Variants in NKAIN2 observed in about 807,000 individuals in gnomAD.
NKAIN2 encodes sodium/potassium-transporting ATPase subunit beta-1-interacting protein 2.
NKAIN2 carries 14 observed loss-of-function variants against 32.6 expected under a neutral mutation model. The ratio of observed to expected loss-of-function variants is 0.43; its 90% CI spans 0.28 to 0.67. The LOEUF (loss-of-function observed/expected upper bound fraction) is 0.67. Among genes scored for constraint, NKAIN2 ranks in the 30% least tolerant of loss-of-function variants. NKAIN2 has a pLI of 0.17. For missense variants in NKAIN2, 198 were observed against 258.3 expected, an observed-to-expected ratio of 0.77 and a Z score of 1.60; for synonymous variants, 80 against 87.2, an observed-to-expected ratio of 0.92 and a Z score of 0.46.
At chr6:124,633,012 T>G (rs79590565) in intron 3 of NKAIN2, among the ~76,000 whole-genome samples, 3,119 of 152,086 alleles carry the variant, frequency 0.021, 94 homozygotes, top group African/African-American at 0.071. Context: ...AGCATTAAAT[T>G]TTTTTTTGAA....
intron 3 of NKAIN2, among the ~76,000 whole-genome samples, chr6:124,569,822 T>G (rs1445677693): frequency 6.6e-6 from 1 of 151,984 alleles, no homozygotes; most frequent in African/African-American, 2.4e-5. Context: ...AAAAGATAAA[T>G]GAAAATATGG....
chr6:124,097,399 CT>C lies in NKAIN2; in HGVS notation c.55-185604del, dbSNP rs1432961034. 1.1e-4 allele frequency among the ~76,000 whole-genome samples: 5 copies of C among 45,316 alleles called. No individual in the cohort carries two copies. In the South Asian group the frequency reaches 5.2e-3, roughly 47 times the overall value. The allele number at this position is 45,316 out of a possible 152,430, so 29.7% of individuals were successfully genotyped here. On this transcript the variant is annotated intron_variant, in intron 1 of 6. Coordinates refer to ENST00000368417, the MANE Select transcript of NKAIN2 (RefSeq NM_001040214.3). ...GCCTGGCAACAGAGCAAGACTTCGT[CT>C]TAAAAAAAAAAAAAAAAAAAGTAAT... is the stretch of plus-strand genomic sequence containing the variant.
At chr6:124,012,682 G>A (rs1383350531) in intron 1 of NKAIN2, among the ~76,000 whole-genome samples, 1 of 152,096 alleles carries the variant, frequency 6.6e-6, no homozygotes, top group African/African-American at 2.4e-5. Context: ...TTCTCGATGA[G>A]TTGTATTCCA....
intron 2 of NKAIN2, among the ~76,000 whole-genome samples, chr6:124,285,949 T>C (rs945963972): frequency 3.9e-5 from 6 of 152,220 alleles, no homozygotes; most frequent in Non-Finnish European, 8.8e-5. Flanking sequence ...AGGATCATTG[T>C]AAAGGTCTTC....
At chr6:123,806,968 G>T (rs981921171) in intron 1 of NKAIN2, among the ~76,000 whole-genome samples, 1 of 151,984 alleles carries the variant, frequency 6.6e-6, no homozygotes, top group Non-Finnish European at 1.5e-5. Context: ...TGGTATTGTG[G>T]ATATGGTGAT....
chr6:124,008,587 G>T lies in NKAIN2; in HGVS notation c.54+204333G>T, dbSNP rs1780184860. Among the ~76,000 whole-genome samples the T allele has an allele frequency of 2.6e-5, 4 of 152,084 alleles. No homozygotes were observed. The South Asian group carries it at 8.4e-4, about 32-fold the overall frequency. On this transcript the variant is annotated intron_variant, in intron 1 of 6. Transcript: ENST00000368417. ...GGCCTCCGAGAAGACCAGCCTTGAG[G>T]CAGTAAGTTAAAATTAGCAGGGACT... is the stretch of plus-strand genomic sequence containing the variant.
At chr6:124,807,813 T>C (rs559395191) in intron 5 of NKAIN2, among the ~76,000 whole-genome samples, 2 of 150,150 alleles carry the variant, frequency 1.3e-5, no homozygotes, top group African/African-American at 4.8e-5. Flanking sequence ...TCACCACTGA[T>C]CCCACAGAAA....
At chr6:124,759,676 C>A (rs79738048) in intron 4 of NKAIN2, among the ~76,000 whole-genome samples, 9,437 of 143,914 alleles carry the variant, frequency 0.066, 509 homozygotes, top group South Asian at 0.14. Context: ...CCCTTTCCTG[C>A]CTTATTTTCC....
At chr6:124,653,362 T>C (rs1583587261) in intron 3 of NKAIN2, among the ~76,000 whole-genome samples, 2 of 151,566 alleles carry the variant, frequency 1.3e-5, no homozygotes, top group East Asian at 3.9e-4. Context: ...AGTCAACTGT[T>C]TTTTGCAAGA....
chr6:123,943,638 G>A (rs72972554), intron 1 of NKAIN2, among the ~76,000 whole-genome samples: 3,093 of 152,082 alleles, frequency 0.02, 58 homozygotes, highest in Non-Finnish European at 0.031. Flanking sequence ...TGAAGTATCT[G>A]ACTCATAGTC....
intron 1 of NKAIN2, among the ~76,000 whole-genome samples, chr6:124,225,195 T>C (rs957053673): frequency 2.1e-4 from 32 of 152,112 alleles, no homozygotes; most frequent in Non-Finnish European, 4.3e-4. Context: ...AAATTTTCTC[T>C]TAATTAATGC....
In NKAIN2 at chr6:123,804,102, C is replaced by T; in HGVS notation, c.-99C>T. 1 of 1,096,826 alleles carries T rather than the reference C, an allele frequency of 9.1e-7. No homozygotes were observed. Among genetic ancestry groups the T allele is most frequent in the Middle Eastern group, 2.7e-4 (1 of 3,740 alleles). The allele number at this position is 1,096,826 out of a possible 1,614,324, so 67.9% of individuals were successfully genotyped here. ...CAGCCCGGAGCCCCCGAGCCCTCGG[C>T]AGGTTTGCGTGTCCTTCCCCGCGAT... On this transcript the variant is annotated 5_prime_UTR_variant, in exon 1 of 7. It introduces an in-frame stop codon into an upstream open reading frame of the 5' UTR. Transcript: ENST00000368417.
intron 1 of NKAIN2, among the ~76,000 whole-genome samples, chr6:124,262,075 T>C (rs1794280360): frequency 6.6e-6 from 1 of 152,120 alleles, no homozygotes; most frequent in Admixed American, 6.5e-5. Context: ...TCACACCTGT[T>C]TATGACCACC....
At chr6:124,347,116 A>G (rs1358980287) in intron 2 of NKAIN2, among the ~76,000 whole-genome samples, 1 of 152,116 alleles carries the variant, frequency 6.6e-6, no homozygotes, top group Non-Finnish European at 1.5e-5. Flanking sequence ...CTGGATATGA[A>G]ATTCTGGCTT....
chr6:124,706,585 A>C (rs1179410360), intron 4 of NKAIN2, among the ~76,000 whole-genome samples: 1 of 152,174 alleles, frequency 6.6e-6, no homozygotes, highest in Non-Finnish European at 1.5e-5. Flanking sequence ...TAAACTGAGA[A>C]GTTCCAAACA....
At chr6:124,635,112 G>A (rs1391793892) in intron 3 of NKAIN2, among the ~76,000 whole-genome samples, 2 of 151,750 alleles carry the variant, frequency 1.3e-5, no homozygotes, top group Non-Finnish European at 2.9e-5. Context: ...GAAAGAAAGA[G>A]CTAGCCAAGA....
chr6:124,436,143 A>G (rs1326954862), intron 3 of NKAIN2, among the ~76,000 whole-genome samples: 1 of 152,120 alleles, frequency 6.6e-6, no homozygotes, highest in Non-Finnish European at 1.5e-5. Context: ...AAAGGCTTCT[A>G]TTTGGTACAC....
At chr6:124,455,786 A>G (rs921232516) in intron 3 of NKAIN2, among the ~76,000 whole-genome samples, 3 of 151,908 alleles carry the variant, frequency 2.0e-5, no homozygotes, top group African/African-American at 7.2e-5. Flanking sequence ...TGTATAATAT[A>G]TAAGTGTAAT....
chr6:124,354,424 A>C (rs531049278), intron 2 of NKAIN2, among the ~76,000 whole-genome samples: 1 of 152,312 alleles, frequency 6.6e-6, no homozygotes, highest in African/African-American at 2.4e-5. Context: ...ATCATTATAG[A>C]AGGTACACTA....
Sources: gnomAD v4.1 joint callset for allele counts (sites outside exome capture counted in the v4.1 genomes callset) on GRCh38, gnomAD v4.1.1 for gene constraint, MANE v1.5 for transcripts, NCBI Gene and HGNC (gene_info 2026-07-23, HGNC 2026-07-21) for gene names.